ACOXL: variants seen among roughly 807,000 people sequenced by gnomAD.
ACOXL encodes acyl-CoA oxidase like, also known as acyl-coenzyme A oxidase-like protein.
Under a neutral mutation model 71.9 loss-of-function variants are expected in ACOXL, and 70 were observed. The ratio of observed to expected loss-of-function variants is 0.97; its 90% CI spans 0.80 to 1.19. The LOEUF is 1.19. ACOXL is among the 50% of genes most tolerant of loss of function. The pLI, the probability that ACOXL is intolerant of heterozygous loss-of-function variation, is 0.00. For missense variants in ACOXL, 703 were observed against 736.3 expected (o/e 0.95, Z 0.52); for synonymous variants, 253 against 281.6 (o/e 0.90, Z 1.02).
At chr2:110,924,483 A>C (rs973765283) in intron 11 of ACOXL, among the ~76,000 whole-genome samples, 1 of 152,196 alleles carries the variant, frequency 6.6e-6, no homozygotes, top group Middle Eastern at 3.2e-3. Flanking sequence ...GATATTTTAA[A>C]TCCTCACTTG....
chr2:110,966,736 G>C (rs1446440184), intron 12 of ACOXL, among the ~76,000 whole-genome samples: 1 of 152,186 alleles, frequency 6.6e-6, no homozygotes, highest in Admixed American at 6.5e-5. Flanking sequence ...CATCAATGAG[G>C]CACAATGAGG....
At chr2:110,985,328 A>C (rs2062882530) in intron 12 of ACOXL, among the ~76,000 whole-genome samples, 1 of 152,166 alleles carries the variant, frequency 6.6e-6, no homozygotes, top group Non-Finnish European at 1.5e-5. Context: ...ATCTCACTGG[A>C]CCTAATGCCC....
intron 9 of ACOXL, among the ~76,000 whole-genome samples, chr2:110,811,983 T>C (rs1235703470): frequency 6.6e-6 from 1 of 152,236 alleles, no homozygotes; most frequent in African/African-American, 2.4e-5. Flanking sequence ...TTTGCGTTTA[T>C]TTACTTTCGT....
intron 9 of ACOXL, among the ~76,000 whole-genome samples, chr2:110,821,410 C>G (rs1458653346): frequency 2.6e-5 from 4 of 152,078 alleles, no homozygotes; most frequent in Admixed American, 2.6e-4. Context: ...GAGCTGGACC[C>G]CTATATGCAG....
chr2:110,927,718 G>A (rs2060328588), intron 11 of ACOXL, among the ~76,000 whole-genome samples: 1 of 152,152 alleles, frequency 6.6e-6, no homozygotes, highest in African/African-American at 2.4e-5. Context: ...TCCTCAATTT[G>A]GCATCATCAC....
At chr2:111,059,801 A>G (rs2066717418) in intron 16 of ACOXL, among the ~76,000 whole-genome samples, 1 of 151,360 alleles carries the variant, frequency 6.6e-6, no homozygotes. Context: ...GGGGTAGAAG[A>G]AGGAGGAGGA....
intron 10 of ACOXL, among the ~76,000 whole-genome samples, chr2:110,844,475 CACAGGAGG>C (rs1255967218): frequency 6.6e-6 from 1 of 151,950 alleles, no homozygotes; most frequent in African/African-American, 2.4e-5. Context: ...TCCCCTCGGC[CACAGGAGG>C]ACCTGATCTT....
intron 16 of ACOXL, among the ~76,000 whole-genome samples, chr2:111,077,145 C>T (rs916540759): frequency 1.3e-5 from 2 of 152,200 alleles, no homozygotes; most frequent in Non-Finnish European, 2.9e-5. Flanking sequence ...CAGCCTGCAA[C>T]ACTTACCTTC....
intron 12 of ACOXL, among the ~76,000 whole-genome samples, chr2:110,986,435 C>G (rs1250538902): frequency 6.6e-6 from 1 of 152,198 alleles, no homozygotes; most frequent in African/African-American, 2.4e-5. Flanking sequence ...CGTGGTTTTT[C>G]TGCTGCTCTG....
chr2:110,744,417 A>G (rs959587938), intron 1 of ACOXL, among the ~76,000 whole-genome samples: 9 of 152,218 alleles, frequency 5.9e-5, no homozygotes, highest in African/African-American at 2.2e-4. Flanking sequence ...TTGACATTAT[A>G]TGTTATGTGT....
intron 16 of ACOXL, among the ~76,000 whole-genome samples, chr2:111,060,443 C>T (rs1401006018): frequency 6.6e-6 from 1 of 152,134 alleles, no homozygotes; most frequent in Non-Finnish European, 1.5e-5. Context: ...GCCAGCACCC[C>T]ACCCCAGCAG....
At chr2:111,057,836 A>G (rs2066621604) in intron 16 of ACOXL, among the ~76,000 whole-genome samples, 1 of 152,254 alleles carries the variant, frequency 6.6e-6, no homozygotes, top group Admixed American at 6.5e-5. Flanking sequence ...GCTCCTTGAT[A>G]CTTCATTGTC....
At position 110,800,495 on chromosome 2, in the gene ACOXL, G is replaced by C. The variant is rs111735776; in HGVS notation, c.548-1157G>C. Among the ~76,000 whole-genome samples, 56 of 152,070 alleles carry C rather than the reference G, an allele frequency of 3.7e-4. 1 individual carries two copies. Among genetic ancestry groups the C allele is most frequent in the African/African-American group, 1.3e-3 (52 of 41,438 alleles). ...GTCACATACACAGGTATAAGGATTA[G>C]GGCTTTGATACATGAATTTTTTTTT... is the stretch of plus-strand genomic sequence containing the variant. On this transcript the variant is annotated intron_variant, in intron 7 of 17. Transcript: ENST00000439055.
At chr2:110,947,473 T>G (rs2061151874) in intron 12 of ACOXL, among the ~76,000 whole-genome samples, 1 of 152,146 alleles carries the variant, frequency 6.6e-6, no homozygotes, top group African/African-American at 2.4e-5. Flanking sequence ...ATCTTGGACT[T>G]TACCACTGGG....
chr2:110,969,846 G>A (rs1257805333), intron 12 of ACOXL, among the ~76,000 whole-genome samples: 1 of 151,660 alleles, frequency 6.6e-6, no homozygotes, highest in African/African-American at 2.4e-5. Context: ...CTAGAAAATA[G>A]CTTTACATTG....
chr2:110,983,641 G>C (rs2062809810), intron 12 of ACOXL, among the ~76,000 whole-genome samples: 1 of 152,184 alleles, frequency 6.6e-6, no homozygotes, highest in African/African-American at 2.4e-5. Context: ...ATCACAAGTT[G>C]TCTTAAGGAA....
chr2:110,939,240 A>G (rs1431593834), intron 12 of ACOXL, among the ~76,000 whole-genome samples: 2 of 152,192 alleles, frequency 1.3e-5, no homozygotes, highest in Admixed American at 1.3e-4. Flanking sequence ...ATTTGAAATC[A>G]CATTTATTGC....
chr2:111,031,336 CCTCA>C (rs2065254171), intron 14 of ACOXL, among the ~76,000 whole-genome samples: 2 of 152,198 alleles, frequency 1.3e-5, no homozygotes, highest in Non-Finnish European at 2.9e-5. Context: ...ATCAGAACAG[CCTCA>C]CTTGATCTGT....
chr2:111,058,698 G>A (rs1413707749), intron 16 of ACOXL, among the ~76,000 whole-genome samples: 1 of 152,092 alleles, frequency 6.6e-6, no homozygotes, highest in Non-Finnish European at 1.5e-5. Context: ...TTGAGATGGG[G>A]AAAAAGAAAA....
Sources: gnomAD v4.1 joint callset for allele counts (sites outside exome capture counted in the v4.1 genomes callset) on GRCh38, gnomAD v4.1.1 for gene constraint, MANE v1.5 for transcripts, NCBI Gene and HGNC (gene_info 2026-07-23, HGNC 2026-07-21) for gene names.